VAT1L: variants seen among roughly 807,000 people sequenced by gnomAD.
The protein encoded by VAT1L is putative NADPH-dependent quinone oxidoreductase VAT1L.
Under a neutral mutation model 44.1 loss-of-function variants are expected in VAT1L, and 34 were observed. The observed-to-expected ratio is 0.77, with a 90% CI of 0.59 to 1.03. VAT1L has a LOEUF of 1.03. Among genes scored for constraint, VAT1L ranks in the 50% least tolerant of loss-of-function variants. VAT1L has a pLI of 0.00. For missense variants in VAT1L, 615 were observed against 538.8 expected, an observed-to-expected ratio of 1.14 and a Z score of -1.40; for synonymous variants, 253 against 202.2, an observed-to-expected ratio of 1.25 and a Z score of -2.13.
At chr16:77,826,444 G>C (rs2016524186) in intron 3 of VAT1L, among the ~76,000 whole-genome samples, 2 of 152,124 alleles carry the variant, frequency 1.3e-5, no homozygotes, top group Non-Finnish European at 2.9e-5. Flanking sequence ...TCTTGAGTGG[G>C]CAGAGATTGT....
At chr16:77,941,975 G>A (rs1423170133) in intron 7 of VAT1L, among the ~76,000 whole-genome samples, 1 of 152,124 alleles carries the variant, frequency 6.6e-6, no homozygotes, top group Non-Finnish European at 1.5e-5. Context: ...AACCTTGCCA[G>A]CATGTTATTT....
chr16:77,857,484 T>G (rs2142438685), intron 3 of VAT1L, among the ~76,000 whole-genome samples: 1 of 152,258 alleles, frequency 6.6e-6, no homozygotes, highest in African/African-American at 2.4e-5. Context: ...TCTCATTGCC[T>G]AAGACAGGTG....
rs2018365869 is a variant in VAT1L at position 77,978,576 on chromosome 16, A to C, written c.*881A>C. On this transcript the variant is annotated 3_prime_UTR_variant, in exon 9 of 9. Coordinates refer to ENST00000302536, the MANE Select transcript of VAT1L (RefSeq NM_020927.3). ...TTTCAATTCCTGGTGGAAAGTGACC[A>C]CTTTGACCATGGATTTCCCAAAGAA... is the stretch of plus-strand genomic sequence containing the variant. 6.6e-6 allele frequency: 1 copy of C among 152,248 alleles called. No individual in the cohort carries two copies. The highest frequency in any genetic ancestry group is 1.5e-5 in the Non-Finnish European group (1 of 68,046). The allele number at this position is 152,248 out of a possible 1,614,324, so 9.4% of individuals were successfully genotyped here. A position where few individuals can be genotyped will look rare whatever the true frequency, so the allele number is the denominator to read the frequency against.
intron 3 of VAT1L, among the ~76,000 whole-genome samples, chr16:77,860,412 C>T (rs557927937): frequency 1.6e-4 from 25 of 152,238 alleles, no homozygotes; most frequent in African/African-American, 4.8e-4. Flanking sequence ...AGCTTGGGAC[C>T]GGAGATTAAC....
chr16:77,973,557 A>G (rs1057146176), intron 8 of VAT1L, among the ~76,000 whole-genome samples: 5 of 152,172 alleles, frequency 3.3e-5, no homozygotes, highest in African/African-American at 1.2e-4. Context: ...TGTTGGGATT[A>G]CAGGCGTGAG....
intron 4 of VAT1L, among the ~76,000 whole-genome samples, chr16:77,868,365 G>T (rs1241475573): frequency 1.3e-5 from 2 of 152,170 alleles, no homozygotes; most frequent in Non-Finnish European, 2.9e-5. Context: ...ACAATGGTGA[G>T]CAAAACAAGC....
intron 3 of VAT1L, among the ~76,000 whole-genome samples, chr16:77,830,533 T>A (rs2016567888): frequency 6.6e-6 from 1 of 152,144 alleles, no homozygotes; most frequent in South Asian, 2.1e-4. Flanking sequence ...ACGGAGTAAT[T>A]CTCACAAGAT....
chr16:77,795,241 C>T (rs1014322938), intron 1 of VAT1L, among the ~76,000 whole-genome samples: 17 of 149,196 alleles, frequency 1.1e-4, no homozygotes, highest in Non-Finnish European at 1.9e-4. Flanking sequence ...AAAGAATAAC[C>T]TCACTAATGG....
chr16:77,867,818 C>T (rs1182294252), intron 4 of VAT1L, among the ~76,000 whole-genome samples: 2 of 149,976 alleles, frequency 1.3e-5, no homozygotes, highest in African/African-American at 2.5e-5. Context: ...CAGATTATGC[C>T]ACTGCACTCC....
chr16:77,849,936 G>T (rs1389213453), intron 3 of VAT1L, among the ~76,000 whole-genome samples: 1 of 152,180 alleles, frequency 6.6e-6, no homozygotes, highest in Non-Finnish European at 1.5e-5. Flanking sequence ...AGTCATTCAT[G>T]TTCAGGGCAG....
chr16:77,889,826 C>G (rs1208807590), intron 7 of VAT1L, among the ~76,000 whole-genome samples: 1 of 152,210 alleles, frequency 6.6e-6, no homozygotes, highest in Non-Finnish European at 1.5e-5. Context: ...GTGGCTTATG[C>G]CTGTAATCCC....
intron 1 of VAT1L, among the ~76,000 whole-genome samples, chr16:77,806,862 A>G (rs2016169958): frequency 6.6e-6 from 1 of 152,120 alleles, no homozygotes; most frequent in Non-Finnish European, 1.5e-5. Flanking sequence ...GGAGAAATCA[A>G]GACATGGCCA....
chr16:77,807,542 C>T (rs1258735801), intron 1 of VAT1L, among the ~76,000 whole-genome samples: 1 of 152,118 alleles, frequency 6.6e-6, no homozygotes. Context: ...GTCCCCAGTC[C>T]AGCTTCCCTC....
intron 7 of VAT1L, among the ~76,000 whole-genome samples, chr16:77,944,062 A>AG (rs1371486424): frequency 1.3e-5 from 2 of 152,042 alleles, no homozygotes; most frequent in Non-Finnish European, 2.9e-5. Context: ...TCGTCCTTTG[A>AG]GGGGCAGCTG....
intron 7 of VAT1L, among the ~76,000 whole-genome samples, chr16:77,965,541 C>G (rs939577887): frequency 6.6e-6 from 1 of 152,210 alleles, no homozygotes; most frequent in Non-Finnish European, 1.5e-5. Flanking sequence ...GAAACCAGCT[C>G]TGTTGGAGAT....
At chr16:77,885,468 G>T (rs923062183) in intron 7 of VAT1L, among the ~76,000 whole-genome samples, 1 of 152,162 alleles carries the variant, frequency 6.6e-6, no homozygotes, top group African/African-American at 2.4e-5. Context: ...TAAGGGGAAG[G>T]TTTGGGCATT....
chr16:77,793,224 G>A (rs2015866621), intron 1 of VAT1L, among the ~76,000 whole-genome samples: 2 of 152,070 alleles, frequency 1.3e-5, no homozygotes, highest in African/African-American at 4.8e-5. Flanking sequence ...TGATCCTCCT[G>A]CCTTGACTTC....
intron 7 of VAT1L, among the ~76,000 whole-genome samples, chr16:77,896,555 C>T (rs539032179): frequency 6.6e-6 from 1 of 152,186 alleles, no homozygotes; most frequent in African/African-American, 2.4e-5. Flanking sequence ...TGCATTTCCC[C>T]CAGAGAGTGG....
chr16:77,934,488 G>C (rs907507204), intron 7 of VAT1L, among the ~76,000 whole-genome samples: 6 of 152,080 alleles, frequency 3.9e-5, no homozygotes, highest in Non-Finnish European at 8.8e-5. Context: ...TTCTTCCCTA[G>C]AGCCTCCAGA....
Sources: gnomAD v4.1 joint callset for allele counts (sites outside exome capture counted in the v4.1 genomes callset) on GRCh38, gnomAD v4.1.1 for gene constraint, MANE v1.5 for transcripts, NCBI Gene and HGNC (gene_info 2026-07-23, HGNC 2026-07-21) for gene names.